ECT2: variants seen among roughly 807,000 people sequenced by gnomAD.
The protein encoded by ECT2 is protein ECT2.
In ECT2, 61 loss-of-function variants were observed where a neutral mutation model predicts 116.9. The ratio of observed to expected loss-of-function variants is 0.52; its 90% CI spans 0.42 to 0.65. ECT2 has a LOEUF of 0.65. Among genes scored for constraint, ECT2 ranks in the 30% least tolerant of loss-of-function variants. The probability of loss-of-function intolerance (pLI) is 0.00; values close to 1 mark genes in which losing one functional copy is unlikely to be tolerated. For synonymous variants in ECT2, 358 were observed against 346.4 expected, an observed-to-expected ratio of 1.03 and a Z score of -0.37; for missense variants, 937 against 1,078.7, an observed-to-expected ratio of 0.87 and a Z score of 1.84.
intron 12 of ECT2, among the ~76,000 whole-genome samples, chr3:172,766,128 G>A (rs1560264835): frequency 6.6e-6 from 1 of 152,128 alleles, no homozygotes; most frequent in Non-Finnish European, 1.5e-5. Context: ...TATAAAGTGG[G>A]TATTCACTAA....
At chr3:172,818,866 C>T in intron 24 of ECT2, 3 of 1,139,672 alleles carry the variant, frequency 2.6e-6, no homozygotes, top group Non-Finnish European at 3.3e-6. Context: ...AAAAAAGGAA[C>T]ATATTTTTTC....
downstream of ECT2, among the ~76,000 whole-genome samples, chr3:172,822,938 A>C (rs1730746292): frequency 6.6e-6 from 1 of 152,084 alleles, no homozygotes; most frequent in Admixed American, 6.5e-5. Flanking sequence ...AAATACTAGA[A>C]GGGGGTAGAA....
At chr3:172,810,318 A>G (rs1449579308) in intron 22 of ECT2, among the ~76,000 whole-genome samples, 2 of 152,122 alleles carry the variant, frequency 1.3e-5, no homozygotes, top group African/African-American at 4.8e-5. Context: ...TTATCCTACA[A>G]TGGTTAAATA....
intron 13 of ECT2, 137 bp downstream of exon 13, chr3:172,769,280 C>A: frequency 2.5e-6 from 2 of 811,674 alleles, no homozygotes; most frequent in Admixed American, 3.1e-5. Flanking sequence ...AATTGTGTGA[C>A]AAAAACTGCT....
intron 19 of ECT2, 72 bp from the exon 20 acceptor site, chr3:172,802,789 T>C: frequency 6.5e-7 from 1 of 1,541,230 alleles, no homozygotes; most frequent in Non-Finnish European, 8.8e-7. Context: ...CACTACTTTC[T>C]TTTAAATTAC....
chr3:172,815,757 T>C (rs1316262984), intron 23 of ECT2, 46 bp downstream of exon 23: 1 of 1,204,046 alleles, frequency 8.3e-7, no homozygotes, highest in Non-Finnish European at 1.2e-6. Context: ...TAACATATTT[T>C]CCAGACTATA....
chr3:172,784,387 C>CT (rs1723247297), intron 16 of ECT2, among the ~76,000 whole-genome samples: 1 of 151,966 alleles, frequency 6.6e-6, no homozygotes, highest in Non-Finnish European at 1.5e-5. Flanking sequence ...TTACCAGTTC[C>CT]TTATTATGGT....
chr3:172,774,346 G>A (rs1193212728), intron 14 of ECT2, among the ~76,000 whole-genome samples: 1 of 152,090 alleles, frequency 6.6e-6, no homozygotes, highest in African/African-American at 2.4e-5. Context: ...CCCCAGGCAT[G>A]TGCCACCATC....
At chr3:172,775,781 G>T (rs1576910853) in intron 14 of ECT2, among the ~76,000 whole-genome samples, 1 of 151,884 alleles carries the variant, frequency 6.6e-6, no homozygotes, top group Non-Finnish European at 1.5e-5. Context: ...CTACAGGCAT[G>T]CACCACCACG....
intron 14 of ECT2, among the ~76,000 whole-genome samples, chr3:172,781,638 T>C (rs1368447275): frequency 6.6e-6 from 1 of 152,202 alleles, no homozygotes; most frequent in African/African-American, 2.4e-5. Flanking sequence ...AGAATGACCA[T>C]GAAGAATTAA....
chr3:172,828,555 T>C, the ECT2 span, among the ~76,000 whole-genome samples: 2 of 151,934 alleles, frequency 1.3e-5, no homozygotes, highest in Non-Finnish European at 2.9e-5. Flanking sequence ...AGCATTATCA[T>C]TGTAAAATAG....
At chr3:172,776,778 G>C (rs1328338407) in intron 14 of ECT2, among the ~76,000 whole-genome samples, 14 of 151,804 alleles carry the variant, frequency 9.2e-5, no homozygotes, top group Admixed American at 8.5e-4. Context: ...ACAGTTTTTC[G>C]TATCATCTCA....
intron 13 of ECT2, among the ~76,000 whole-genome samples, chr3:172,770,411 CTG>C (rs917518859): frequency 6.6e-6 from 1 of 152,192 alleles, no homozygotes; most frequent in African/African-American, 2.4e-5. Flanking sequence ...AATTATTAGA[CTG>C]GAGAAAGTTT....
intron 14 of ECT2, among the ~76,000 whole-genome samples, chr3:172,779,047 T>G (rs1722251916): frequency 6.6e-6 from 1 of 152,244 alleles, no homozygotes; most frequent in Non-Finnish European, 1.5e-5. Context: ...AATTAATACT[T>G]GTAAAGCATT....
intron 8 of ECT2, 89 bp downstream of exon 8, chr3:172,761,772 A>C: frequency 1.1e-6 from 1 of 873,698 alleles, no homozygotes; most frequent in Non-Finnish European, 1.8e-6. Context: ...GTAATTTCAT[A>C]GATATAAAAA....
chr3:172,803,826 C>T (rs1339641178), intron 20 of ECT2, among the ~76,000 whole-genome samples: 2 of 147,340 alleles, frequency 1.4e-5, no homozygotes, highest in Non-Finnish European at 3.0e-5. Flanking sequence ...TTTTTTTCGA[C>T]AGGGTCTTAC....
chr3:172,804,250 A>G (rs1426657519), intron 20 of ECT2, among the ~76,000 whole-genome samples: 1 of 152,234 alleles, frequency 6.6e-6, no homozygotes, highest in Non-Finnish European at 1.5e-5. Context: ...TGTGCAGAAC[A>G]GTTACAGGTA....
At chr3:172,755,400 T>G (rs1716767092) in intron 3 of ECT2, 26 bp downstream of exon 3, 2 of 1,577,854 alleles carry the variant, frequency 1.3e-6, no homozygotes, top group East Asian at 4.5e-5. Flanking sequence ...TTTTAGTTTT[T>G]TTTGTAATGC....
chr3:172,788,435 A>G (rs1023634743), intron 18 of ECT2, among the ~76,000 whole-genome samples: 1 of 152,212 alleles, frequency 6.6e-6, no homozygotes, highest in Non-Finnish European at 1.5e-5. Flanking sequence ...ATATGCTCCC[A>G]TGAAACCATC....
Sources: allele counts gnomAD v4.1 joint callset (sites outside exome capture counted in the v4.1 genomes callset), GRCh38; gene constraint gnomAD v4.1.1; transcripts MANE v1.5; gene names NCBI Gene and HGNC (gene_info 2026-07-23, HGNC 2026-07-21).